Variants in ACSBG1 observed in about 807,000 individuals in gnomAD.
ACSBG1 encodes acyl-CoA synthetase bubblegum family member 1, also known as long-chain-fatty-acid--CoA ligase ACSBG1.
A neutral mutation model predicts 80.2 loss-of-function variants in ACSBG1; 39 were observed. That is an observed-to-expected ratio of 0.49 (90% CI 0.38 to 0.64). ACSBG1 has a LOEUF of 0.64. Among genes scored for constraint, ACSBG1 ranks in the 30% least tolerant of loss-of-function variants. ACSBG1 has a pLI of 0.00. For synonymous variants in ACSBG1, 392 were observed against 379.5 expected (o/e 1.03, Z -0.38); for missense variants, 828 against 966.4 (o/e 0.86, Z 1.90).
At chr15:78,194,047 G>A (rs746373717) in intron 3 of ACSBG1, 27 bp from the exon 4 acceptor site, 1 of 1,612,192 alleles carries the variant, frequency 6.2e-7, no homozygotes, top group East Asian at 2.2e-5. Context: ...GACAGGCCAG[G>A]TCAGCCGGGC....
At chr15:78,228,855 G>A (rs539542277) in intron 1 of ACSBG1, among the ~76,000 whole-genome samples, 1 of 152,212 alleles carries the variant, frequency 6.6e-6, no homozygotes, top group South Asian at 2.1e-4. Flanking sequence ...TCTTCCCCTA[G>A]CCAACTCCTA....
At chr15:78,202,234 CAG>C (rs2075175991) in intron 2 of ACSBG1, among the ~76,000 whole-genome samples, 2 of 152,078 alleles carry the variant, frequency 1.3e-5, no homozygotes, top group Non-Finnish European at 2.9e-5. Context: ...CTATTTGAGA[CAG>C]AGTCTTGCTC....
At chr15:78,189,619 C>A (rs1006929374) in intron 5 of ACSBG1, among the ~76,000 whole-genome samples, 5 of 148,246 alleles carry the variant, frequency 3.4e-5, no homozygotes, top group African/African-American at 1.3e-4. Context: ...GGGAACTGAA[C>A]AATGGGAACA....
intron 5 of ACSBG1, among the ~76,000 whole-genome samples, chr15:78,189,006 C>T (rs1204661553): frequency 5.8e-4 from 87 of 150,242 alleles, no homozygotes; most frequent in African/African-American, 1.9e-3. Flanking sequence ...AAAAAGTGGG[C>T]GAAGGACATG....
intron 2 of ACSBG1, among the ~76,000 whole-genome samples, chr15:78,204,297 CG>C (rs1323738044): frequency 1.3e-5 from 2 of 152,180 alleles, no homozygotes; most frequent in Admixed American, 1.3e-4. Context: ...CCTGGACCAC[CG>C]GGGTAAGGGA....
chr15:78,229,429 G>C (rs573000655), intron 1 of ACSBG1, among the ~76,000 whole-genome samples: 2 of 152,168 alleles, frequency 1.3e-5, no homozygotes, highest in Admixed American at 1.3e-4. Context: ...AGTGACATTC[G>C]CCTTACGATT....
chr15:78,172,549 T>A lies in ACSBG1; in HGVS notation c.2090-1020A>T, dbSNP rs544308649. Among the ~76,000 whole-genome samples, 32 of 152,344 alleles carry A rather than the reference T, an allele frequency of 2.1e-4. No individual in the cohort carries two copies. Among genetic ancestry groups the A allele is most frequent in the African/African-American group, 7.7e-4 (32 of 41,576 alleles). ...CCTAACTCACTCTTGACTGTGTAAC[T>A]GGAAACTTTCTGTGTTAAAGTCATT... On this transcript the variant is annotated intron_variant, in intron 13 of 13. Coordinates refer to ENST00000258873, the MANE Select transcript of ACSBG1 (RefSeq NM_015162.5). This position sits in a 1 kb window ranked among gnomAD's most constrained non-coding sequence, Gnocchi z 4.1.
chr15:78,178,282 C>G lies in ACSBG1; in HGVS notation c.1702+332G>C, dbSNP rs542486338. Among the ~76,000 whole-genome samples, 6 of 152,196 alleles carry G rather than the reference C, an allele frequency of 3.9e-5. No individual in the cohort carries two copies. Among genetic ancestry groups the G allele is most frequent in the African/African-American group, 1.4e-4 (6 of 41,534 alleles). On this transcript the variant is annotated intron_variant, in intron 11 of 13. Transcript: ENST00000258873. This position sits in a 1 kb window ranked among gnomAD's most constrained non-coding sequence, Gnocchi z 4.3. ...CCACTGCAGCTGTCCAGGGCGCTTGCCTTTTTTTGTTTGTTTGTTTTGGTT... is the reference window on the plus strand; with the variant it reads ...CCACTGCAGCTGTCCAGGGCGCTTGGCTTTTTTTGTTTGTTTGTTTTGGTT...
At chr15:78,225,422 A>AATAAATAC (rs1567100803) in intron 1 of ACSBG1, among the ~76,000 whole-genome samples, 1 of 150,556 alleles carries the variant, frequency 6.6e-6, no homozygotes, top group Non-Finnish European at 1.5e-5. Flanking sequence ...TAAATAAATA[A>AATAAATAC]ATAAATAAAT....
intron 1 of ACSBG1, among the ~76,000 whole-genome samples, chr15:78,219,717 G>C (rs2075344957): frequency 6.6e-6 from 1 of 152,138 alleles, no homozygotes; most frequent in South Asian, 2.1e-4. Flanking sequence ...GGGCGCGGTG[G>C]CTAATGCCTG....
intron 1 of ACSBG1, among the ~76,000 whole-genome samples, chr15:78,219,472 G>C (rs2075342239): frequency 6.6e-6 from 1 of 150,810 alleles, no homozygotes; most frequent in Non-Finnish European, 1.5e-5. Context: ...CCAAAGGGTA[G>C]AGAGAGAACT....
intron 1 of ACSBG1, among the ~76,000 whole-genome samples, chr15:78,208,681 C>G (rs1428051554): frequency 1.3e-5 from 2 of 152,196 alleles, no homozygotes; most frequent in East Asian, 3.9e-4. Context: ...TCTGTTCACT[C>G]CATGGAGAAG....
chr15:78,179,674 G>A lies in ACSBG1; in HGVS notation c.1360C>T (p.Pro454Ser). ...KCQKNFYGAA[P>S]MMAETQHFFL... ...AAGTGCTGTGTCTCTGCCATCATGG[G>A]GGCCGCTCCATAGAAGTTCTTTTGA... The change falls in exon 10 of 14, where the codon CCC becomes TCC. Residue 454 changes from proline to serine, a missense_variant. Pro to Ser is a moderately conservative substitution (Grantham distance 74). Transcript: ENST00000258873. The A allele has an allele frequency of 6.2e-7, 1 of 1,614,166 alleles. No homozygotes were observed. The highest frequency in any genetic ancestry group is 2.2e-5 in the East Asian group (1 of 44,888).
chr15:78,205,753 G>A (rs1198248823), intron 2 of ACSBG1, among the ~76,000 whole-genome samples: 1 of 152,118 alleles, frequency 6.6e-6, no homozygotes, highest in Non-Finnish European at 1.5e-5. Context: ...CTAATCCCAC[G>A]AATCCCTCCT....
chr15:78,228,125 C>T (rs2075418594), intron 1 of ACSBG1, among the ~76,000 whole-genome samples: 1 of 152,168 alleles, frequency 6.6e-6, no homozygotes, highest in Admixed American at 6.5e-5. Flanking sequence ...AGATGTCCTT[C>T]ACATGGTCAC....
At chr15:78,217,217 C>T (rs1195459174) in intron 1 of ACSBG1, among the ~76,000 whole-genome samples, 1 of 152,212 alleles carries the variant, frequency 6.6e-6, no homozygotes. Flanking sequence ...AACACATAAC[C>T]AGCACTGCGT....
intron 2 of ACSBG1, among the ~76,000 whole-genome samples, chr15:78,197,254 G>T (rs1262224532): frequency 6.6e-6 from 1 of 152,056 alleles, no homozygotes; most frequent in Non-Finnish European, 1.5e-5. Context: ...GGAGTGGGGA[G>T]TGACCGTGGA....
rs770790995 is a variant in ACSBG1 at position 78,180,876 on chromosome 15, C to T, written c.1132G>A (p.Val378Ile). 1.7e-5 allele frequency: 27 copies of T among 1,614,102 alleles called. No individual in the cohort carries two copies. The South Asian group carries it at 2.7e-4, about 16-fold the overall frequency. The change falls in exon 9 of 14, where the codon GTA (valine) becomes ATA (isoleucine). Residue 378 changes from valine (V) to isoleucine (I), a missense_variant. Physicochemically the swap from Val to Ile is conservative, Grantham distance 29. Around this residue, in one of 3 missense-constraint regions of ACSBG1, gnomAD observed 271 missense variants for 375.9 expected, o/e 0.72. Transcript: ENST00000258873. ...EPTSHMGVPR[V>I]WEKIMERIQE... ...ATGCGCTCCATGATCTTCTCCCATA[C>T]CCGGGGCACCCCCATGTGTGATGTG... is the stretch of plus-strand genomic sequence containing the variant.
chr15:78,180,434 C>T (rs1567080410), intron 9 of ACSBG1, among the ~76,000 whole-genome samples: 3 of 152,322 alleles, frequency 2.0e-5, no homozygotes, highest in East Asian at 1.9e-4. Flanking sequence ...ATCACTGTGG[C>T]CCCTTCTCCA....
Sources: gnomAD v4.1 joint callset for allele counts (sites outside exome capture counted in the v4.1 genomes callset) on GRCh38, gnomAD v4.1.1 for gene constraint, gnomAD v4.1.1 regional missense constraint, Gnocchi (gnomAD v3.1) non-coding constraint, MANE v1.5 for transcripts, NCBI Gene and HGNC (gene_info 2026-07-23, HGNC 2026-07-21) for gene names.